Variants in PCNX2 observed in about 807,000 individuals in gnomAD.
PCNX2 encodes the protein pecanex 2.
Under a neutral mutation model 223.8 loss-of-function variants are expected in PCNX2, and 168 were observed. The observed-to-expected ratio is 0.75, with a 90% CI of 0.66 to 0.85. The LOEUF is 0.85. Ranked by LOEUF, PCNX2 falls within the 40% of genes least tolerant of loss-of-function variation. The probability of loss-of-function intolerance (pLI) is 0.00; values close to 1 mark genes in which losing one functional copy is unlikely to be tolerated. For synonymous variants in PCNX2, 1,006 were observed against 1,052.6 expected (o/e 0.96, Z 0.86); for missense variants, 2,507 against 2,675.5 (o/e 0.94, Z 1.39).
intron 8 of PCNX2, among the ~76,000 whole-genome samples, chr1:233,239,251 G>A (rs1269141021): frequency 6.6e-6 from 1 of 152,128 alleles, no homozygotes; most frequent in African/African-American, 2.4e-5. Context: ...ACCCTCTATC[G>A]CCAACTGAAA....
At chr1:232,996,584 T>C (rs1669882541) in intron 32 of PCNX2, among the ~76,000 whole-genome samples, 2 of 152,158 alleles carry the variant, frequency 1.3e-5, no homozygotes, top group Non-Finnish European at 2.9e-5. Flanking sequence ...TTTGTCTATT[T>C]ACCTATCTAT....
At chr1:233,262,246 CTT>C in intron 2 of PCNX2, 81 bp from the exon 3 acceptor site, 1 of 1,539,104 alleles carries the variant, frequency 6.5e-7, no homozygotes. Context: ...AGTCTAAAAA[CTT>C]TTTTTCCTAG....
intron 13 of PCNX2, among the ~76,000 whole-genome samples, chr1:233,200,797 G>A (rs771237116): frequency 2.0e-5 from 3 of 151,756 alleles, no homozygotes; most frequent in African/African-American, 4.8e-5. Flanking sequence ...CGAGGTGGGC[G>A]GATCACCTGA....
At chr1:233,272,779 G>T (rs1391309313) in intron 1 of PCNX2, among the ~76,000 whole-genome samples, 1 of 152,178 alleles carries the variant, frequency 6.6e-6, no homozygotes, top group Admixed American at 6.5e-5. Flanking sequence ...TAAAGAAATT[G>T]TGGTGTATAT....
chr1:233,007,403 G>A lies in PCNX2; in HGVS notation c.4953-5722C>T, dbSNP rs1350839177. On this transcript the variant is annotated intron_variant, in intron 28 of 33. Coordinates refer to ENST00000258229, the MANE Select transcript of PCNX2 (RefSeq NM_014801.4). ...AAAGTGGAGAAAGAGAGTAAGATGG[G>A]TGGGAGCAAATACTCAGAATCTGAT... is the stretch of plus-strand genomic sequence containing the variant. Among the ~76,000 whole-genome samples, 3 of 152,254 alleles carry A rather than the reference G, an allele frequency of 2.0e-5. No individual in the cohort carries two copies. The East Asian group carries it at 5.8e-4, about 29-fold the overall frequency.
intron 18 of PCNX2, among the ~76,000 whole-genome samples, chr1:233,160,929 T>C (rs1016483029): frequency 3.3e-5 from 5 of 152,198 alleles, no homozygotes; most frequent in Non-Finnish European, 7.3e-5. Flanking sequence ...GTGACTCCTC[T>C]TTTCTCTATT....
At chr1:233,262,011 T>G (rs1383272057) in intron 3 of PCNX2, 34 bp downstream of exon 3, 1 of 1,611,996 alleles carries the variant, frequency 6.2e-7, no homozygotes, top group Non-Finnish European at 8.5e-7. Context: ...CGAAATCACA[T>G]GAAGAGGGTG....
chr1:233,112,709 T>TAGTCTC, intron 21 of PCNX2: 1 of 567,782 alleles, frequency 1.8e-6, no homozygotes, highest in East Asian at 1.3e-4. Flanking sequence ...GTGTAGATCT[T>TAGTCTC]TGAACAATAT....
At chr1:233,201,419 T>C (rs1681110150) in intron 13 of PCNX2, 2 of 152,212 alleles carry the variant, frequency 1.3e-5, no homozygotes, top group Non-Finnish European at 2.9e-5. Flanking sequence ...CATCATTTCT[T>C]TTTCAGTTTC....
chr1:233,289,681 G>A (rs976864644), intron 1 of PCNX2, among the ~76,000 whole-genome samples: 13 of 152,242 alleles, frequency 8.5e-5, no homozygotes, highest in African/African-American at 3.1e-4. Context: ...AAATATCAAG[G>A]TTCTGGGAGT....
chr1:233,100,087 T>C (rs1211535526), intron 21 of PCNX2, among the ~76,000 whole-genome samples: 1 of 152,188 alleles, frequency 6.6e-6, no homozygotes, highest in Non-Finnish European at 1.5e-5. Context: ...TGGGTTTTTT[T>C]CCACTTAAAA....
intron 2 of PCNX2, among the ~76,000 whole-genome samples, chr1:233,262,500 G>A (rs1660108672): frequency 6.6e-6 from 1 of 152,154 alleles, no homozygotes; most frequent in Admixed American, 6.5e-5. Flanking sequence ...TAGAGGACAT[G>A]CTATCTTAAG....
chr1:233,122,938 G>C (rs1308772450), intron 21 of PCNX2, among the ~76,000 whole-genome samples: 1 of 152,114 alleles, frequency 6.6e-6, no homozygotes, highest in Non-Finnish European at 1.5e-5. Flanking sequence ...CCAGTTGAGG[G>C]ACAGTCTATA....
chr1:233,034,144 G>A lies in PCNX2; in HGVS notation c.4352-8745C>T, dbSNP rs1009860216. Reference sequence around the variant, plus strand: ...GGAGAATTGCTTGAACCCGGGAGGCGGAGGTTGCAATGAGCCGAGATCGTG... The same window carrying A: ...GGAGAATTGCTTGAACCCGGGAGGCAGAGGTTGCAATGAGCCGAGATCGTG... On this transcript the variant is annotated intron_variant, in intron 25 of 33. Coordinates refer to ENST00000258229, the MANE Select transcript of PCNX2 (RefSeq NM_014801.4). Among the ~76,000 whole-genome samples, 3 of 152,258 alleles carry A rather than the reference G, an allele frequency of 2.0e-5. No homozygotes were observed. The East Asian group carries it at 5.8e-4, about 29-fold the overall frequency.
intron 17 of PCNX2, among the ~76,000 whole-genome samples, chr1:233,165,172 A>T (rs910945786): frequency 2.0e-5 from 3 of 152,192 alleles, no homozygotes; most frequent in African/African-American, 2.4e-5. Flanking sequence ...AAGCAAAATT[A>T]AAAAAAGAAA....
At chr1:233,264,965 T>C (rs1405004386) in intron 1 of PCNX2, among the ~76,000 whole-genome samples, 1 of 152,122 alleles carries the variant, frequency 6.6e-6, no homozygotes, top group South Asian at 2.1e-4. Flanking sequence ...CCGCCAGGCA[T>C]AGTGGCTCAT....
intron 17 of PCNX2, among the ~76,000 whole-genome samples, chr1:233,169,525 G>T (rs1169905414): frequency 1.3e-5 from 2 of 150,996 alleles, no homozygotes; most frequent in East Asian, 3.9e-4. Flanking sequence ...CGCGCCTGTA[G>T]TCCCAGCTAC....
At chr1:233,122,527 C>CTTT (rs58508596) in intron 21 of PCNX2, among the ~76,000 whole-genome samples, 2 of 145,624 alleles carry the variant, frequency 1.4e-5, no homozygotes, top group Non-Finnish European at 3.0e-5. Flanking sequence ...TATTATATAT[C>CTTT]TTTTTTTTTT....
intron 1 of PCNX2, among the ~76,000 whole-genome samples, chr1:233,263,876 C>G (rs10157288): frequency 0.055 from 8,341 of 152,126 alleles, 785 homozygotes; most frequent in African/African-American, 0.19. Context: ...TTGTGGAGAA[C>G]AGAAGGAAAA....
Sources: gnomAD v4.1 joint callset for allele counts (sites outside exome capture counted in the v4.1 genomes callset) on GRCh38, gnomAD v4.1.1 for gene constraint, MANE v1.5 for transcripts, NCBI Gene and HGNC (gene_info 2026-07-23, HGNC 2026-07-21) for gene names.